The following ARSB variants were observed in gnomAD, a reference collection of about 807,000 sequenced individuals.
ARSB encodes arylsulfatase B.
ARSB carries 41 observed loss-of-function variants against 50.9 expected under a neutral mutation model. The ratio of observed to expected loss-of-function variants is 0.81; its 90% CI spans 0.63 to 1.04. The LOEUF (loss-of-function observed/expected upper bound fraction) is 1.04. Ranked by LOEUF, ARSB falls within the 50% of genes least tolerant of loss-of-function variation. ARSB has a pLI of 0.00. For missense variants in ARSB, 672 were observed against 693.3 expected, an observed-to-expected ratio of 0.97 and a Z score of 0.35; for synonymous variants, 269 against 284.8, an observed-to-expected ratio of 0.94 and a Z score of 0.56.
chr5:78,979,343 G>A (rs750785129), intron 1 of ARSB, among the ~76,000 whole-genome samples: 3 of 152,234 alleles, frequency 2.0e-5, no homozygotes, highest in Middle Eastern at 3.2e-3. Flanking sequence ...AATGACAAGT[G>A]TTGGCAAGGA....
intron 5 of ARSB, among the ~76,000 whole-genome samples, chr5:78,873,565 G>A (rs973685081): frequency 1.4e-5 from 2 of 138,368 alleles, no homozygotes; most frequent in African/African-American, 2.6e-5. Flanking sequence ...GCGGGATCTC[G>A]GCTCACTGCA....
At chr5:78,896,515 G>A (rs540012039) in intron 4 of ARSB, among the ~76,000 whole-genome samples, 1 of 152,230 alleles carries the variant, frequency 6.6e-6, no homozygotes, top group African/African-American at 2.4e-5. Context: ...ATCTAAGTTT[G>A]TGCACTGAAA....
chr5:78,815,482 C>A (rs1238473102), intron 6 of ARSB: 1 of 941,462 alleles, frequency 1.1e-6, no homozygotes, highest in Non-Finnish European at 1.3e-6. Context: ...AAATGGAGGA[C>A]AGGCTGTGCC....
rs192093511 is a variant in ARSB, at chr5:78,959,927, A to C, written c.691-4425T>G. Among the ~76,000 whole-genome samples the C allele has an allele frequency of 5.9e-5, 9 of 152,334 alleles. No homozygotes were observed. In the East Asian group the frequency reaches 1.5e-3, roughly 26 times the overall value. ...TATTCCTAGGACCCTGCCTGTGAAC[A>C]GCTGTGGTCAATTTTCCCACTCCTG... On this transcript the variant is annotated intron_variant, in intron 3 of 7. Transcript: ENST00000264914.
chr5:78,926,151 G>A (rs1750037243), intron 4 of ARSB, among the ~76,000 whole-genome samples: 1 of 152,064 alleles, frequency 6.6e-6, no homozygotes, highest in Non-Finnish European at 1.5e-5. Context: ...CCTATTTGTT[G>A]TATGTTATAA....
chr5:78,834,607 G>GTATATATATA lies in ARSB; in HGVS notation c.1213+4739_1213+4748dup, dbSNP rs58773415. Among the ~76,000 whole-genome samples, 188 of 85,606 alleles carry GTATATATATA rather than the reference G, an allele frequency of 2.2e-3. 6 individuals are homozygous for GTATATATATA. The highest frequency in any genetic ancestry group is 8.6e-3 in the Middle Eastern group (1 of 116). 56.2% of individuals were successfully genotyped at this position (85,606 alleles called of 152,430 possible). A position where few individuals can be genotyped will look rare whatever the true frequency, so the allele number is the denominator to read the frequency against. ...ATACTATTTCATGGTATATATATGT[G>GTATATATATA]TATATATATATATATATATATATAT... On this transcript the variant is annotated intron_variant, in intron 6 of 7. Transcript: ENST00000264914.
intron 5 of ARSB, among the ~76,000 whole-genome samples, chr5:78,857,326 A>G (rs1264971199): frequency 1.3e-5 from 2 of 152,222 alleles, no homozygotes; most frequent in Admixed American, 6.5e-5. Flanking sequence ...TCTACTCATT[A>G]TAGACTGTAT....
At chr5:78,932,437 T>C (rs762748794) in intron 4 of ARSB, among the ~76,000 whole-genome samples, 3 of 152,232 alleles carry the variant, frequency 2.0e-5, no homozygotes, top group Non-Finnish European at 2.9e-5. Flanking sequence ...GTCTCTGTTT[T>C]TAAAATGAAA....
chr5:78,983,349 G>A (rs750358607), intron 1 of ARSB, among the ~76,000 whole-genome samples: 1 of 152,166 alleles, frequency 6.6e-6, no homozygotes, highest in Non-Finnish European at 1.5e-5. Flanking sequence ...CACCGTTCCC[G>A]GCCCAGGAAT....
At chr5:78,881,193 C>T (rs923585879) in intron 5 of ARSB, among the ~76,000 whole-genome samples, 6 of 152,046 alleles carry the variant, frequency 3.9e-5, no homozygotes, top group Non-Finnish European at 5.9e-5. Flanking sequence ...GATCATATCA[C>T]TGCACTCCAG....
intron 3 of ARSB, among the ~76,000 whole-genome samples, chr5:78,964,165 A>T (rs939005752): frequency 2.0e-5 from 3 of 152,202 alleles, no homozygotes; most frequent in African/African-American, 7.2e-5. Flanking sequence ...ATCACCTTTT[A>T]AGAGTTTCTC....
chr5:78,872,816 T>A (rs867753212), intron 5 of ARSB, among the ~76,000 whole-genome samples: 1,377 of 128,058 alleles, frequency 0.011, 17 homozygotes, highest in African/African-American at 0.036. Flanking sequence ...AAAGTATAAT[T>A]AAAAAAAAAA....
intron 5 of ARSB, among the ~76,000 whole-genome samples, chr5:78,878,976 C>A (rs988671976): frequency 2.6e-5 from 4 of 152,078 alleles, no homozygotes; most frequent in Non-Finnish European, 5.9e-5. Context: ...GCCTCAGCCT[C>A]CTGAGTAGCT....
intron 3 of ARSB, among the ~76,000 whole-genome samples, chr5:78,957,683 G>A (rs935981139): frequency 1.1e-4 from 17 of 152,074 alleles, no homozygotes; most frequent in South Asian, 6.2e-4. Flanking sequence ...TTCTACTCCA[G>A]CTGCATGGTC....
chr5:78,912,185 T>C (rs1027393120), intron 4 of ARSB, among the ~76,000 whole-genome samples: 9 of 152,210 alleles, frequency 5.9e-5, no homozygotes, highest in African/African-American at 1.7e-4. Context: ...ACTGACGTTA[T>C]TGTAGTACAC....
chr5:78,859,516 C>T (rs1746321414), intron 5 of ARSB, among the ~76,000 whole-genome samples: 1 of 152,044 alleles, frequency 6.6e-6, no homozygotes, highest in African/African-American at 2.4e-5. Context: ...AAGATGAAAA[C>T]TGGCAACAGC....
intron 4 of ARSB, among the ~76,000 whole-genome samples, chr5:78,938,955 T>A (rs1356005518): frequency 6.6e-6 from 1 of 152,360 alleles, no homozygotes; most frequent in Admixed American, 6.5e-5. Context: ...ACTGCAGGAC[T>A]GGCCTGAGCA....
intron 4 of ARSB, among the ~76,000 whole-genome samples, chr5:78,908,314 G>A (rs967389560): frequency 6.6e-6 from 1 of 152,094 alleles, no homozygotes; most frequent in African/African-American, 2.4e-5. Context: ...CTGCCGCTGG[G>A]ACTGTATTTT....
Position 78,780,208 on chromosome 5 carries a change from AG to A in ARSB, c.*188del. The A allele has an allele frequency of 1.4e-6, 1 of 722,082 alleles. No individual in the cohort carries two copies. Among genetic ancestry groups the A allele is most frequent in the South Asian group, 1.8e-5 (1 of 56,334 alleles). The allele number at this position is 722,082 out of a possible 1,614,324, so 44.7% of individuals were successfully genotyped here. ...CCTCTAGACACATGCTCCAGCCAAC[AG>A]CAGGAGTGTTGCAGATTTTATCAGC... is the stretch of plus-strand genomic sequence containing the variant. On this transcript the variant is annotated 3_prime_UTR_variant, in exon 8 of 8. Coordinates refer to ENST00000264914, the MANE Select transcript of ARSB (RefSeq NM_000046.5).
Sources: allele counts gnomAD v4.1 joint callset (sites outside exome capture counted in the v4.1 genomes callset), GRCh38; gene constraint gnomAD v4.1.1; transcripts MANE v1.5; gene names NCBI Gene and HGNC (gene_info 2026-07-23, HGNC 2026-07-21).